The following SMARCC1 variants were observed in gnomAD, a reference collection of about 807,000 sequenced individuals.
The protein encoded by SMARCC1 is SWI/SNF complex subunit SMARCC1.
Under a neutral mutation model 147.4 loss-of-function variants are expected in SMARCC1, and 43 were observed. The ratio of observed to expected loss-of-function variants is 0.29; its 90% CI spans 0.23 to 0.38. The LOEUF is 0.38. Ranked by LOEUF, SMARCC1 falls within the 10% of genes least tolerant of loss-of-function variation. The pLI, the probability that SMARCC1 is intolerant of heterozygous loss-of-function variation, is 1.00. For synonymous variants in SMARCC1, 495 were observed against 484.4 expected, an observed-to-expected ratio of 1.02 and a Z score of -0.29; for missense variants, 1,119 against 1,381.1, an observed-to-expected ratio of 0.81 and a Z score of 3.01.
chr3:47,609,496 CAA>C (rs905858877), intron 26 of SMARCC1, among the ~76,000 whole-genome samples: 12 of 106,618 alleles, frequency 1.1e-4, no homozygotes, highest in Admixed American at 2.9e-4. Context: ...GACTCCGTCT[CAA>C]AAAAAAAAAA....
intron 26 of SMARCC1, among the ~76,000 whole-genome samples, chr3:47,604,954 G>A (rs1559623770): frequency 6.6e-6 from 1 of 152,184 alleles, no homozygotes; most frequent in Non-Finnish European, 1.5e-5. Flanking sequence ...ACCTGCCTTG[G>A]CTTCCCAAAG....
intron 24 of SMARCC1, among the ~76,000 whole-genome samples, chr3:47,629,140 T>C (rs191348927): frequency 1.3e-5 from 2 of 152,348 alleles, no homozygotes; most frequent in Admixed American, 1.3e-4. Context: ...ATGACTGCTC[T>C]GTGTCTCCAA....
chr3:47,729,070 T>C lies in SMARCC1; in HGVS notation c.601A>G (p.Lys201Glu), dbSNP rs780071497. Reference protein sequence around the residue: ...HQGTFTDEKSKASHHIYPYSS... With the variant: ...HQGTFTDEKSEASHHIYPYSS... ...TATGGGTAAATGTGGTGGGAAGCTT[T>C]TGACTTCTCATCCGTAAATGTTCCC... The change falls in exon 6 of 28, where the codon AAA (lysine) becomes GAA (glutamate). Residue 201 changes from lysine (K) to glutamate (E), a missense_variant. By Grantham distance (56) the Lys-to-Glu change is moderately conservative. This residue lies in a region of SMARCC1 where 542 missense variants were observed against 611.8 expected (regional missense o/e 0.89). Transcript: ENST00000254480. The C allele has an allele frequency of 1.2e-6, 2 of 1,612,522 alleles. No individual in the cohort carries two copies. The highest frequency in any genetic ancestry group is 8.5e-7 in the Non-Finnish European group (1 of 1,178,892).
chr3:47,712,587 A>G (rs2034100428), intron 8 of SMARCC1, among the ~76,000 whole-genome samples: 1 of 152,212 alleles, frequency 6.6e-6, no homozygotes, highest in African/African-American at 2.4e-5. Flanking sequence ...AACTCTCCTA[A>G]GCACAGTGAA....
rs571194731 is a variant in SMARCC1 at position 47,586,146 on chromosome 3, G to T, written c.*2063C>A. 13 of 152,468 alleles carry T rather than the reference G, an allele frequency of 8.5e-5. 1 individual carries two copies. The South Asian group carries it at 2.7e-3, about 32-fold the overall frequency. The allele number at this position is 152,468 out of a possible 1,614,324, so 9.4% of individuals were successfully genotyped here. A position where few individuals can be genotyped will look rare whatever the true frequency, so the allele number is the denominator to read the frequency against. On this transcript the variant is annotated 3_prime_UTR_variant, in exon 28 of 28. Coordinates refer to ENST00000254480, the MANE Select transcript of SMARCC1 (RefSeq NM_003074.4). Reference sequence around the variant, plus strand: ...TTATACTGAAATATAACAGTGTTAAGAATTCAGGTATTTTGTAGAATTATT... The same window carrying T: ...TTATACTGAAATATAACAGTGTTAATAATTCAGGTATTTTGTAGAATTATT...
At chr3:47,652,196 G>C (rs950161497) in intron 21 of SMARCC1, among the ~76,000 whole-genome samples, 8 of 151,980 alleles carry the variant, frequency 5.3e-5, no homozygotes, top group Non-Finnish European at 1.2e-4. Context: ...GGCTGGTCTC[G>C]AAATCCTGGC....
chr3:47,676,968 T>C (rs1374266278), intron 16 of SMARCC1, among the ~76,000 whole-genome samples, 186 bp from the exon 17 acceptor site: 3 of 152,182 alleles, frequency 2.0e-5, no homozygotes, highest in African/African-American at 7.2e-5. Context: ...CCACAAGTAA[T>C]GTTGATAACA....
chr3:47,662,245 T>C, intron 20 of SMARCC1, 89 bp downstream of exon 20: 1 of 1,104,542 alleles, frequency 9.1e-7, no homozygotes, highest in Non-Finnish European at 1.3e-6. Context: ...GTTATTTACA[T>C]TAAAAGAAAT....
At chr3:47,728,957 G>C in intron 6 of SMARCC1, 68 bp downstream of exon 6, 1 of 949,560 alleles carries the variant, frequency 1.1e-6, no homozygotes, top group South Asian at 1.6e-5. Context: ...AAGTCTTTGG[G>C]GGTATGACAT....
intron 15 of SMARCC1, 99 bp from the exon 16 acceptor site, chr3:47,678,410 C>A: frequency 1.8e-6 from 1 of 547,386 alleles, no homozygotes; most frequent in Non-Finnish European, 3.3e-6. Flanking sequence ...AAAAATACAA[C>A]AACAAATTAA....
intron 4 of SMARCC1, among the ~76,000 whole-genome samples, chr3:47,736,551 C>T (rs1160512511): frequency 6.6e-6 from 1 of 152,112 alleles, no homozygotes; most frequent in Admixed American, 6.6e-5. Flanking sequence ...TGGTGGGCGC[C>T]TGTAGTCCCA....
At chr3:47,740,202 T>TTTTTTTC (rs2034493409) in intron 3 of SMARCC1, among the ~76,000 whole-genome samples, 1 of 129,070 alleles carries the variant, frequency 7.7e-6, no homozygotes, top group Non-Finnish European at 1.6e-5. Flanking sequence ...TTTTTTTTTT[T>TTTTTTTC]TTTTTTTTTA....
rs116540539 is a variant in SMARCC1 at position 47,634,000 on chromosome 3, T to C, written c.2646+1190A>G. Among the ~76,000 whole-genome samples the C allele has an allele frequency of 9.3e-3, 1,403 of 151,516 alleles. 22 individuals carry two copies. The highest frequency in any genetic ancestry group is 0.033 in the African/African-American group (1,348 of 41,298). On this transcript the variant is annotated intron_variant, in intron 24 of 27. Coordinates refer to ENST00000254480, the MANE Select transcript of SMARCC1 (RefSeq NM_003074.4). Reference sequence around the variant, plus strand: ...TGAAAGAGCAAAACCGGACAAATGGTGAAAAAGAGTCAAGTTATATTAGCC... The same window carrying C: ...TGAAAGAGCAAAACCGGACAAATGGCGAAAAAGAGTCAAGTTATATTAGCC...
chr3:47,734,722 A>G (rs1162875645), intron 5 of SMARCC1, among the ~76,000 whole-genome samples: 1 of 152,210 alleles, frequency 6.6e-6, no homozygotes, highest in Admixed American at 6.5e-5. Flanking sequence ...AGATGTCAGA[A>G]CACAGTACTA....
Position 47,719,195 on chromosome 3 carries a change from T to C in SMARCC1, c.716+1471A>G, listed in dbSNP as rs900147195. 9.9e-5 allele frequency among the ~76,000 whole-genome samples: 15 copies of C among 151,870 alleles called. No homozygotes were observed. The South Asian group carries it at 1.2e-3, about 13-fold the overall frequency. On this transcript the variant is annotated intron_variant, in intron 7 of 27. Coordinates refer to ENST00000254480, the MANE Select transcript of SMARCC1 (RefSeq NM_003074.4). ...TCCCAAAGTACTGGGATTACAGGTGTGAGCCACCACGCCCGGCCCCACTAT... is the reference window on the plus strand; with the variant it reads ...TCCCAAAGTACTGGGATTACAGGTGCGAGCCACCACGCCCGGCCCCACTAT...
At chr3:47,670,902 C>T (rs2033486954) in intron 18 of SMARCC1, among the ~76,000 whole-genome samples, 185 bp from the exon 19 acceptor site, 1 of 152,022 alleles carries the variant, frequency 6.6e-6, no homozygotes, top group Non-Finnish European at 1.5e-5. Context: ...ATTTCAAAGA[C>T]TGGCCAGGCG....
intron 26 of SMARCC1, among the ~76,000 whole-genome samples, chr3:47,595,378 T>C (rs1410729061): frequency 1.3e-5 from 2 of 151,824 alleles, no homozygotes; most frequent in Non-Finnish European, 2.9e-5. Context: ...TACAAAAAAA[T>C]TAGCGAGATG....
chr3:47,728,571 A>C (rs1023314108), intron 6 of SMARCC1, among the ~76,000 whole-genome samples: 1 of 152,210 alleles, frequency 6.6e-6, no homozygotes, highest in African/African-American at 2.4e-5. Flanking sequence ...TAATATAAAG[A>C]AATAAATGTT....
chr3:47,680,596 G>A (rs1040299301), intron 14 of SMARCC1, 88 bp from the exon 15 acceptor site: 2 of 730,436 alleles, frequency 2.7e-6, no homozygotes, highest in African/African-American at 2.1e-5. Flanking sequence ...CGCCCAGGCT[G>A]GAGTGCAGTG....
Sources: gnomAD v4.1 joint callset for allele counts (sites outside exome capture counted in the v4.1 genomes callset) on GRCh38, gnomAD v4.1.1 for gene constraint, gnomAD v4.1.1 regional missense constraint, MANE v1.5 for transcripts, NCBI Gene and HGNC (gene_info 2026-07-23, HGNC 2026-07-21) for gene names.